The following GNG5B variants were observed in gnomAD, a reference collection of about 807,000 sequenced individuals.
GNG5B encodes guanine nucleotide-binding protein G(I)/G(S)/G(O) subunit gamma-5B.
the GNG5B span, chrX:110,346,904 A>G: frequency 1.6e-4 from 93 of 594,185 alleles, no homozygotes; most frequent in East Asian, 3.0e-3. Flanking sequence ...TGGAGAAGCC[A>G]GACATGGTGA....
At chrX:110,346,514 T>C in the GNG5B span, among the ~76,000 whole-genome samples, 1 of 112,399 alleles carries the variant, frequency 8.9e-6, no homozygotes, top group East Asian at 2.8e-4. Flanking sequence ...TATAAAACAA[T>C]TACCCTTGTG....
At chrX:110,346,918 CG>C in the GNG5B span, 5 of 562,753 alleles carry the variant, frequency 8.9e-6, no homozygotes, top group East Asian at 3.4e-5. Context: ...ATGGTGAACG[CG>C]GGGGCCGGGC....
chrX:110,346,831 T>C, the GNG5B span: 1 of 686,235 alleles, frequency 1.5e-6, no homozygotes, highest in South Asian at 2.2e-5. Context: ...TGGGAAACTT[T>C]TACGCTGTTG....
the GNG5B span, chrX:110,346,859 G>A: frequency 1.5e-6 from 1 of 649,825 alleles, no homozygotes; most frequent in Non-Finnish European, 2.6e-6. Flanking sequence ...CCTCCAGCTG[G>A]AGCTGTTGAA....
At chrX:110,346,930 C>T in the GNG5B span, 2 of 544,071 alleles carry the variant, frequency 3.7e-6, no homozygotes, top group Admixed American at 2.5e-5. Context: ...GGGGCCGGGC[C>T]GATTCGTGGG....
the GNG5B span, chrX:110,346,846 C>T: frequency 4.0e-5 from 26 of 654,879 alleles, no homozygotes; most frequent in Admixed American, 1.6e-4. Context: ...CTGTTGAGCC[C>T]GGCCTCCAGC....
chrX:110,346,938 G>C, the GNG5B span: 2 of 532,408 alleles, frequency 3.8e-6, no homozygotes, highest in African/African-American at 4.6e-5. Flanking sequence ...GCCGATTCGT[G>C]GGTCGGTGGG....
the GNG5B span, chrX:110,346,737 G>A: frequency 1.2e-6 from 1 of 841,443 alleles, no homozygotes; most frequent in South Asian, 2.0e-5. Flanking sequence ...GGGTCTGAAG[G>A]GATTTGTACT....
chrX:110,346,964 C>G, the GNG5B span: 1 of 507,732 alleles, frequency 2.0e-6, no homozygotes, highest in Admixed American at 2.8e-5. Flanking sequence ...GGCCGTGGGT[C>G]GGCGGGGCCG....
the GNG5B span, chrX:110,346,640 C>A: frequency 3.6e-6 from 2 of 555,576 alleles, no homozygotes; most frequent in Non-Finnish European, 6.6e-6. Flanking sequence ...TCAAATGTAT[C>A]TCTCTTGAAT....
chrX:110,346,635 T>C, the GNG5B span: 1 of 551,041 alleles, frequency 1.8e-6, no homozygotes, highest in Non-Finnish European at 3.3e-6. Context: ...AGGCTTCAAA[T>C]GTATCTCTCT....
chrX:110,346,491 T>C, the GNG5B span, among the ~76,000 whole-genome samples: 1 of 112,574 alleles, frequency 8.9e-6, no homozygotes, highest in African/African-American at 3.2e-5. Flanking sequence ...TATTGTATGC[T>C]GCTGCCAATG....
the GNG5B span, chrX:110,346,851 T>A: frequency 1.5e-6 from 1 of 652,654 alleles, no homozygotes. Context: ...GAGCCCGGCC[T>A]CCAGCTGGAG....
At chrX:110,346,870 C>T in the GNG5B span, 1 of 639,286 alleles carries the variant, frequency 1.6e-6, no homozygotes, top group East Asian at 3.2e-5. Flanking sequence ...AGCTGTTGAA[C>T]CACTTTCTTC....
chrX:110,346,948 G>C, the GNG5B span: 1 of 523,369 alleles, frequency 1.9e-6, no homozygotes, highest in South Asian at 2.5e-5. Context: ...GGGTCGGTGG[G>C]TCGTGGGCCG....
At chrX:110,346,659 GATC>G in the GNG5B span, 69 of 578,239 alleles carry the variant, frequency 1.2e-4, no homozygotes, top group Non-Finnish European at 3.7e-5. Context: ...ATATTCACTG[GATC>G]ATAAGAAGTG....
At chrX:110,346,881 G>A in the GNG5B span, 1 of 626,988 alleles carries the variant, frequency 1.6e-6, no homozygotes. Flanking sequence ...CACTTTCTTC[G>A]TAGCGGCGAC....
At chrX:110,346,868 A>G in the GNG5B span, 3 of 642,529 alleles carry the variant, frequency 4.7e-6, no homozygotes, top group South Asian at 2.2e-5. Flanking sequence ...GGAGCTGTTG[A>G]ACCACTTTCT....
the GNG5B span, chrX:110,346,964 C>T: frequency 2.0e-6 from 1 of 506,465 alleles, no homozygotes; most frequent in East Asian, 3.7e-5. Context: ...GGCCGTGGGT[C>T]GGCGGGGCCG....
Sources: gnomAD v4.1 joint callset for allele counts (sites outside exome capture counted in the v4.1 genomes callset) on GRCh38, gnomAD v4.1.1 for gene constraint, MANE v1.5 for transcripts, NCBI Gene and HGNC (gene_info 2026-07-23, HGNC 2026-07-21) for gene names.